CDKN2B-AS1: variants seen among roughly 807,000 people sequenced by gnomAD.
CDKN2B-AS1 encodes the protein CDKN2B and CDKN2A antisense cis and trans regulatory RNA 1, also known as CDKN2B antisense RNA 1 (non-protein coding).
At chr9:22,089,449 TA>T (rs1400599870) in intron 4 of CDKN2B-AS1, among the ~76,000 whole-genome samples, 3 of 152,138 alleles carry the variant, frequency 2.0e-5, no homozygotes, top group South Asian at 4.2e-4. Context: ...CTTTTTTTTT[TA>T]AAAGGGTCTC....
At chr9:22,121,650 G>A (rs538539400) in intron 4 of CDKN2B-AS1, among the ~76,000 whole-genome samples, 4 of 152,040 alleles carry the variant, frequency 2.6e-5, no homozygotes, top group South Asian at 2.1e-4. Flanking sequence ...GAGAACATGC[G>A]GTGTTTAGTA....
At chr9:22,120,358 G>A (rs1415558106) in intron 4 of CDKN2B-AS1, 1 of 152,204 alleles carries the variant, frequency 6.6e-6, no homozygotes, top group Non-Finnish European at 1.5e-5. Flanking sequence ...TTTTAAATGA[G>A]GCTGAGAGCA....
intron 4 of CDKN2B-AS1, among the ~76,000 whole-genome samples, chr9:22,098,585 C>T (rs1319572336): frequency 6.6e-6 from 1 of 152,148 alleles, no homozygotes; most frequent in Non-Finnish European, 1.5e-5. Context: ...ACAGGATGTT[C>T]CAGTCACTCT....
Position 22,006,406 on chromosome 9 carries a change from T to C in CDKN2B-AS1, n.29+11245T>C. 1.0e-6 allele frequency: 1 copy of C among 990,714 alleles called. No homozygotes were observed. The highest frequency in any genetic ancestry group is 1.6e-5 in the African/African-American group (1 of 62,280). 61.4% of individuals were successfully genotyped at this position (990,714 alleles called of 1,614,324 possible). The stretch of plus-strand genomic sequence containing the variant: ...TCTCTGATGTCTGGTGTTTCTTCAT[T>C]TGCTGATGCAATCCACTTTCCCACC... On this transcript the variant is annotated intron_variant and non_coding_transcript_variant, in intron 1 of 4. Coordinates refer to ENST00000650946, the Ensembl canonical transcript of CDKN2B-AS1. This position sits in a 1 kb window ranked among gnomAD's most constrained non-coding sequence, Gnocchi z 6.4.
chr9:22,012,674 C>G (rs941789733), intron 1 of CDKN2B-AS1: 1 of 349,842 alleles, frequency 2.9e-6, no homozygotes, highest in African/African-American at 2.1e-5. Context: ...AAACAGCGAC[C>G]TAACCTTGCC....
Position 22,000,453 on chromosome 9 carries a change from TA to T in CDKN2B-AS1, n.29+5293del, listed in dbSNP as rs1820870562. Among the ~76,000 whole-genome samples the T allele has an allele frequency of 6.6e-6, 1 of 152,200 alleles. No homozygotes were observed. Among genetic ancestry groups the T allele is most frequent in the South Asian group, 2.1e-4 (1 of 4,828 alleles). ...TAACTATCAAAGGCAGTCCAGAGAT[TA>T]GCAAATAATAGAGGATGATCAAATG... is the stretch of plus-strand genomic sequence containing the variant. On this transcript the variant is annotated intron_variant and non_coding_transcript_variant, in intron 1 of 4. Transcript: ENST00000650946. This position sits in a 1 kb window ranked among gnomAD's most constrained non-coding sequence, Gnocchi z 4.1.
At chr9:22,076,944 C>G (rs963911548) in intron 4 of CDKN2B-AS1, among the ~76,000 whole-genome samples, 1 of 152,154 alleles carries the variant, frequency 6.6e-6, no homozygotes, top group Non-Finnish European at 1.5e-5. Context: ...CTCAGCCTCC[C>G]AAAGTGCTGG....
chr9:22,008,785 G>T, intron 1 of CDKN2B-AS1: 3 of 1,607,350 alleles, frequency 1.9e-6, no homozygotes, highest in Non-Finnish European at 2.5e-6. Context: ...CGAGGCCCTG[G>T]GGCCCCAGCT....
At chr9:22,107,544 C>A (rs1436058079) in intron 4 of CDKN2B-AS1, among the ~76,000 whole-genome samples, 2 of 152,136 alleles carry the variant, frequency 1.3e-5, no homozygotes, top group African/African-American at 4.8e-5. Context: ...TCCCACACCC[C>A]GAGTCCTTGT....
At chr9:22,067,527 C>A (rs1283722481) in intron 4 of CDKN2B-AS1, among the ~76,000 whole-genome samples, 2 of 135,564 alleles carry the variant, frequency 1.5e-5, no homozygotes, top group Admixed American at 1.5e-4. Context: ...ATAAAAAGAA[C>A]ACACACACAC....
intron 1 of CDKN2B-AS1, among the ~76,000 whole-genome samples, chr9:22,041,254 G>T (rs1343181379): frequency 6.6e-6 from 1 of 151,956 alleles, no homozygotes; most frequent in Admixed American, 6.6e-5. Context: ...GATGAGAAGA[G>T]CAAATGCTAC....
intron 4 of CDKN2B-AS1, among the ~76,000 whole-genome samples, chr9:22,123,602 C>CAATATATATATTTTT: frequency 3.3e-5 from 5 of 151,784 alleles, no homozygotes; most frequent in Non-Finnish European, 2.9e-5. Context: ...ATTAGGATGG[C>CAATATATATATTTTT]CAATGATCCA....
At chr9:22,056,067 C>G (rs1216389392) in intron 3 of CDKN2B-AS1, among the ~76,000 whole-genome samples, 1 of 142,942 alleles carries the variant, frequency 7.0e-6, no homozygotes, top group Non-Finnish European at 1.5e-5. Flanking sequence ...TTTTTTGAGA[C>G]GGAGTCTTGC....
intron 4 of CDKN2B-AS1, among the ~76,000 whole-genome samples, chr9:22,057,848 G>T (rs1823637258): frequency 6.6e-6 from 1 of 151,974 alleles, no homozygotes; most frequent in African/African-American, 2.4e-5. Context: ...GGGCAAGGTG[G>T]CTCATGCCTA....
intron 4 of CDKN2B-AS1, among the ~76,000 whole-genome samples, chr9:22,103,311 A>C (rs1825555041): frequency 6.6e-6 from 1 of 152,066 alleles, no homozygotes; most frequent in Non-Finnish European, 1.5e-5. Context: ...CCCTGCTAAG[A>C]TCTGGATTTT....
intron 4 of CDKN2B-AS1, among the ~76,000 whole-genome samples, chr9:22,081,863 A>G (rs1252801635): frequency 6.6e-6 from 1 of 152,216 alleles, no homozygotes; most frequent in Non-Finnish European, 1.5e-5. Flanking sequence ...GGCTATCATC[A>G]TCATTTTTGG....
intron 4 of CDKN2B-AS1, chr9:22,092,185 G>T (rs1029254492): frequency 1.3e-5 from 2 of 152,154 alleles, no homozygotes; most frequent in African/African-American, 4.8e-5. Flanking sequence ...CTTGATCATG[G>T]TGGATAAGCC....
intron 1 of CDKN2B-AS1, among the ~76,000 whole-genome samples, chr9:22,012,884 A>G (rs1463095289): frequency 2.0e-5 from 3 of 152,026 alleles, no homozygotes; most frequent in African/African-American, 7.2e-5. Context: ...CTATATTCCC[A>G]TGTATTTTTC....
chr9:22,097,058 A>G (rs542241130), intron 4 of CDKN2B-AS1, among the ~76,000 whole-genome samples: 1 of 152,166 alleles, frequency 6.6e-6, no homozygotes, highest in Non-Finnish European at 1.5e-5. Context: ...CCTGTCTTCC[A>G]TCCATACCAA....
Sources: gnomAD v4.1 joint callset for allele counts (sites outside exome capture counted in the v4.1 genomes callset) on GRCh38, gnomAD v4.1.1 for gene constraint, Gnocchi (gnomAD v3.1) non-coding constraint, MANE v1.5 for transcripts, NCBI Gene and HGNC (gene_info 2026-07-23, HGNC 2026-07-21) for gene names.